The following MOCS1 variants were observed in gnomAD, a reference collection of about 807,000 sequenced individuals.
MOCS1 encodes molybdenum cofactor synthesis 1.
In MOCS1, 39 loss-of-function variants were observed where a neutral mutation model predicts 57.6. That is an observed-to-expected ratio of 0.68 (90% CI 0.52 to 0.88). The LOEUF is 0.88. MOCS1 is among the 40% of genes least tolerant of loss of function. The pLI, the probability that MOCS1 is intolerant of heterozygous loss-of-function variation, is 0.00. For synonymous variants in MOCS1, 334 were observed against 335.7 expected (o/e 1.00, Z 0.05); for missense variants, 795 against 831.1 (o/e 0.96, Z 0.53).
At position 39,906,948 on chromosome 6, in the gene MOCS1, C is replaced by T; in HGVS notation, c.1320G>A (p.Leu440=). ...AGTGTCTCTGAAAGGAGCCAGACCC[C>T]AGCCGCTGCTGGGCTAGAGGAGGGG... ...PQTPPLAQQR[L]GSGSFQRHYT... Residue 440 remains leucine (L), a synonymous_variant, in exon 11 of 11, where the codon CTG becomes CTA. Coordinates refer to ENST00000340692, the MANE Select transcript of MOCS1 (RefSeq NM_001358530.2). The T allele has an allele frequency of 1.2e-6, 2 of 1,614,112 alleles. No individual in the cohort carries two copies. Among genetic ancestry groups the T allele is most frequent in the African/African-American group, 1.3e-5 (1 of 75,044 alleles).
chr6:39,925,705 T>A lies in MOCS1; in HGVS notation c.391A>T (p.Ile131Phe), dbSNP rs528340821. The change falls in exon 3 of 11, where the codon ATC becomes TTC. Residue 131 changes from isoleucine (I) to phenylalanine (F), a missense_variant. Ile to Phe is a conservative substitution (Grantham distance 21). Around this residue, in one of 3 missense-constraint regions of MOCS1, gnomAD observed 416 missense variants for 392.4 expected, o/e 1.06. Coordinates refer to ENST00000340692, the MANE Select transcript of MOCS1 (RefSeq NM_001358530.2). The stretch of plus-strand genomic sequence containing the variant: ...ACAATGTCCACCACGTCCGGCCGGA[T>A]AAGCGGCTCTCCACCTGTGAGCCGG... ...KIRLTGGEPLIRPDVVDIVAQ... is the reference protein window; with the variant it reads ...KIRLTGGEPLFRPDVVDIVAQ... 3.1e-6 allele frequency: 5 copies of A among 1,612,650 alleles called. No individual in the cohort carries two copies. The highest frequency in any genetic ancestry group is 4.2e-6 in the Non-Finnish European group (5 of 1,179,984).
chr6:39,906,501 C>T lies in MOCS1; in HGVS notation c.1767G>A (p.Val589=), dbSNP rs747877796. Residue 589 remains valine, a synonymous_variant, in exon 11 of 11, where the codon GTG becomes GTA. Transcript: ENST00000340692. The part of the protein sequence containing the change: ...ASCRARGPTG[V]EMEALTSAAV... ...CAGCAGAGGTCAGGGCCTCCATCTCCACCCCGGTGGGGCCCCGAGCCCGGC... is the reference window on the plus strand; with the variant it reads ...CAGCAGAGGTCAGGGCCTCCATCTCTACCCCGGTGGGGCCCCGAGCCCGGC... The T allele has an allele frequency of 1.9e-6, 3 of 1,613,994 alleles. No individual in the cohort carries two copies. Among genetic ancestry groups the T allele is most frequent in the African/African-American group, 1.3e-5 (1 of 74,944 alleles).
At chr6:39,924,977 G>C (rs2149418368) in intron 3 of MOCS1, among the ~76,000 whole-genome samples, 1 of 152,276 alleles carries the variant, frequency 6.6e-6, no homozygotes, top group Middle Eastern at 3.4e-3. Flanking sequence ...CTACTCTGGA[G>C]GCTGAGGAAG....
In MOCS1 at chr6:39,906,780, C is replaced by G; in HGVS notation, c.1488G>C (p.Val496=). 1 of 1,614,176 alleles carries G rather than the reference C, an allele frequency of 6.2e-7. No individual in the cohort carries two copies. Among genetic ancestry groups the G allele is most frequent in the Non-Finnish European group, 8.5e-7 (1 of 1,180,034 alleles). Residue 496 remains valine (V), a synonymous_variant, in exon 11 of 11, where the codon GTG becomes GTC. Coordinates refer to ENST00000340692, the MANE Select transcript of MOCS1 (RefSeq NM_001358530.2). The stretch of plus-strand genomic sequence containing the variant: ...CCCGCTCTGTGTCTGGCTTCCTGCC[C>G]ACATCTACCATAGCTGCCCGTCCTT... The part of the protein sequence containing the change: ...DSEGRAAMVD[V]GRKPDTERVA...
intron 1 of MOCS1, 69 bp from the exon 2 acceptor site, chr6:39,927,524 C>G: frequency 6.2e-7 from 1 of 1,610,954 alleles, no homozygotes; most frequent in Non-Finnish European, 8.5e-7. Context: ...CAAGGAGAAC[C>G]GCCTGCCCCC....
At position 39,904,298 on chromosome 6, in the gene MOCS1, T is replaced by A. The variant is rs775692703; in HGVS notation, c.*2059A>T. On this transcript the variant is annotated 3_prime_UTR_variant, in exon 11 of 11. Transcript: ENST00000340692. ...GATATTTTTCTATTTATTTTCTACA[T>A]CTGGCCAGTGGCTCTGGTGCTAGAT... 14 of 456,662 alleles carry A rather than the reference T, an allele frequency of 3.1e-5. No individual in the cohort carries two copies. The highest frequency in any genetic ancestry group is 2.2e-4 in the South Asian group (14 of 64,576). The allele number at this position is 456,662 out of a possible 1,614,324, so 28.3% of individuals were successfully genotyped here.
At chr6:39,912,706 A>G (rs1229690962) in intron 7 of MOCS1, among the ~76,000 whole-genome samples, 186 bp downstream of exon 7, 1 of 152,106 alleles carries the variant, frequency 6.6e-6, no homozygotes, top group Non-Finnish European at 1.5e-5. Flanking sequence ...CCCCCACCCT[A>G]GCCGAGCCCA....
chr6:39,927,157 G>C (rs1260290214), intron 2 of MOCS1, 172 bp downstream of exon 2: 1 of 672,880 alleles, frequency 1.5e-6, no homozygotes, highest in Non-Finnish European at 2.5e-6. Flanking sequence ...ACTCAGCCTT[G>C]ACCCCTATCT....
rs547161249 is a variant in MOCS1, at chr6:39,929,151, C to T, written c.124-1696G>A. On this transcript the variant is annotated intron_variant, in intron 1 of 10. Transcript: ENST00000340692. ...AAAACATTCCTCACTCTACCCACCG[C>T]GGGAGAATTTCCCACCTCCTCTGAG... is the stretch of plus-strand genomic sequence containing the variant. 1.4e-4 allele frequency among the ~76,000 whole-genome samples: 21 copies of T among 152,240 alleles called. 2 individuals carry two copies. In the South Asian group the frequency reaches 1.4e-3, roughly 11 times the overall value.
rs1562076312 is a variant in MOCS1, at chr6:39,904,699, TC to T, written c.*1657del. ...AACTGGGGAACTGTGACTATCTATC[TC>T]CCCCGACTTCTACCAGGGATGCCTT... On this transcript the variant is annotated 3_prime_UTR_variant, in exon 11 of 11. Coordinates refer to ENST00000340692, the MANE Select transcript of MOCS1 (RefSeq NM_001358530.2). 2.2e-6 allele frequency: 1 copy of T among 453,620 alleles called. No individual in the cohort carries two copies. Among genetic ancestry groups the T allele is most frequent in the Non-Finnish European group, 4.4e-6 (1 of 226,712 alleles). 28.1% of individuals were successfully genotyped at this position (453,620 alleles called of 1,614,324 possible).
At chr6:39,915,158 C>T (rs924429472) in intron 4 of MOCS1, among the ~76,000 whole-genome samples, 13 of 152,204 alleles carry the variant, frequency 8.5e-5, no homozygotes, top group Admixed American at 7.2e-4. Flanking sequence ...CCCTTAGCAG[C>T]CTGTAAGGAC....
intron 1 of MOCS1, among the ~76,000 whole-genome samples, chr6:39,933,635 T>C (rs1241577017): frequency 6.6e-6 from 1 of 152,132 alleles, no homozygotes; most frequent in East Asian, 1.9e-4. Context: ...TTTTAATGAC[T>C]TGAAACACTC....
chr6:39,924,459 A>G (rs1768157357), intron 3 of MOCS1, among the ~76,000 whole-genome samples: 1 of 152,228 alleles, frequency 6.6e-6, no homozygotes, highest in Admixed American at 6.5e-5. Context: ...AAAGAAACCA[A>G]ACACACAACC....
chr6:39,920,568 G>C (rs1767908556), intron 3 of MOCS1, among the ~76,000 whole-genome samples: 1 of 152,146 alleles, frequency 6.6e-6, no homozygotes, highest in Non-Finnish European at 1.5e-5. Context: ...GAGGAAAAAA[G>C]AACTACAACT....
intron 3 of MOCS1, among the ~76,000 whole-genome samples, chr6:39,919,165 G>A (rs1318248467): frequency 3.3e-5 from 5 of 152,048 alleles, no homozygotes; most frequent in African/African-American, 4.8e-5. Context: ...AGAAATCAGC[G>A]GCAACTGCCC....
At chr6:39,918,044 G>T (rs1421612395) in intron 3 of MOCS1, among the ~76,000 whole-genome samples, 1 of 152,172 alleles carries the variant, frequency 6.6e-6, no homozygotes, top group African/African-American at 2.4e-5. Flanking sequence ...GTGATCAATA[G>T]GATCATAGGT....
At chr6:39,925,546 C>T in intron 3 of MOCS1, 132 bp downstream of exon 3, 1 of 1,053,458 alleles carries the variant, frequency 9.5e-7, no homozygotes. Context: ...GCACCTGTCT[C>T]AGCAGGTGTT....
chr6:39,918,485 A>G (rs1228347313), intron 3 of MOCS1, among the ~76,000 whole-genome samples: 1 of 152,262 alleles, frequency 6.6e-6, no homozygotes, highest in Non-Finnish European at 1.5e-5. Context: ...TAAGGAAATA[A>G]TCACGGATGT....
chr6:39,924,241 C>T (rs1768142593), intron 3 of MOCS1, among the ~76,000 whole-genome samples: 1 of 152,166 alleles, frequency 6.6e-6, no homozygotes, highest in Admixed American at 6.5e-5. Flanking sequence ...TTAAAAGTTG[C>T]CCAAGGTACG....
Sources: allele counts gnomAD v4.1 joint callset (sites outside exome capture counted in the v4.1 genomes callset), GRCh38; gene constraint gnomAD v4.1.1; regional missense constraint gnomAD v4.1.1; transcripts MANE v1.5; gene names NCBI Gene and HGNC (gene_info 2026-07-23, HGNC 2026-07-21).